The following C9 variants were observed in gnomAD, a reference collection of about 807,000 sequenced individuals.
C9 encodes the protein complement component C9.
Under a neutral mutation model 65.4 loss-of-function variants are expected in C9, and 63 were observed. The observed-to-expected ratio is 0.96, with a 90% confidence interval of 0.79 to 1.19. C9 has a LOEUF of 1.19. Ranked by LOEUF, C9 falls within the 50% of genes most tolerant of loss-of-function variation. C9 has a pLI of 0.00. For synonymous variants in C9, 229 were observed against 227.9 expected (o/e 1.00, Z -0.04); for missense variants, 744 against 670.1 (o/e 1.11, Z -1.22).
At chr5:39,325,771 CAAAAAA>C (rs34079563) in intron 5 of C9, among the ~76,000 whole-genome samples, 1 of 92,476 alleles carries the variant, frequency 1.1e-5, no homozygotes, top group African/African-American at 4.0e-5. Flanking sequence ...GACTCCATCT[CAAAAAA>C]AAAAAAAAAA....
intron 1 of C9, among the ~76,000 whole-genome samples, chr5:39,345,233 G>A (rs1471766446): frequency 6.6e-6 from 1 of 152,120 alleles, no homozygotes; most frequent in Non-Finnish European, 1.5e-5. Context: ...CTGGCAAATT[G>A]GATAAAGAGT....
Position 39,362,185 on chromosome 5 carries a change from T to G in C9, c.77+2203A>C, listed in dbSNP as rs73078532. On this transcript the variant is annotated intron_variant, in intron 1 of 10. Transcript: ENST00000263408. ...TTGAAGTCCTAACCCCAGATAATTA[T>G]TTGGTCCTAAGTGTCAAATAAGACT... Among the ~76,000 whole-genome samples the G allele has an allele frequency of 2.2e-3, 332 of 152,266 alleles. 2 individuals are homozygous for G. Among genetic ancestry groups the G allele is most frequent in the African/African-American group, 7.6e-3 (314 of 41,530 alleles).
intron 1 of C9, among the ~76,000 whole-genome samples, chr5:39,355,589 C>T (rs1338567469): frequency 1.3e-5 from 2 of 152,124 alleles, no homozygotes; most frequent in Non-Finnish European, 2.9e-5. Flanking sequence ...CAATCTATCA[C>T]CATAGGAAGG....
At chr5:39,315,659 T>G in intron 6 of C9, 116 bp downstream of exon 6, 44 of 769,868 alleles carry the variant, frequency 5.7e-5, no homozygotes, top group Non-Finnish European at 7.8e-5. Flanking sequence ...GCTACATATT[T>G]GAGAATTTGA....
At chr5:39,306,834 T>G in intron 8 of C9, 42 bp from the exon 9 acceptor site, 3 of 1,415,064 alleles carry the variant, frequency 2.1e-6, no homozygotes, top group Non-Finnish European at 3.0e-6. Context: ...AGAAGAAGTT[T>G]AAAGAGAAGC....
chr5:39,322,335 A>G (rs1753678341), intron 5 of C9, among the ~76,000 whole-genome samples: 1 of 152,018 alleles, frequency 6.6e-6, no homozygotes, highest in South Asian at 2.1e-4. Flanking sequence ...AATGCAGCAT[A>G]AGCAGTTCTA....
intron 9 of C9, among the ~76,000 whole-genome samples, chr5:39,299,303 T>C (rs1467544409): frequency 3.3e-5 from 5 of 152,084 alleles, no homozygotes; most frequent in African/African-American, 1.2e-4. Flanking sequence ...ACACATATCA[T>C]ATGACCAAGC....
At chr5:39,353,952 G>A (rs1192637177) in intron 1 of C9, among the ~76,000 whole-genome samples, 1 of 152,054 alleles carries the variant, frequency 6.6e-6, no homozygotes, top group Non-Finnish European at 1.5e-5. Flanking sequence ...ATCTCTCTAG[G>A]GTGTGATCTC....
intron 9 of C9, among the ~76,000 whole-genome samples, chr5:39,291,268 AG>A (rs200063455): frequency 0.011 from 1,665 of 150,652 alleles, 34 homozygotes; most frequent in African/African-American, 0.038. Flanking sequence ...TTTGAAAAAA[AG>A]AAACAAATAT....
chr5:39,341,354 A>G (rs1754078007), intron 3 of C9, 61 bp from the exon 4 acceptor site: 1 of 1,589,144 alleles, frequency 6.3e-7, no homozygotes, highest in Non-Finnish European at 8.6e-7. Flanking sequence ...TTTCTTTCTG[A>G]AGTTATCAAA....
chr5:39,305,421 A>T (rs1015532066), intron 9 of C9, among the ~76,000 whole-genome samples: 1 of 152,194 alleles, frequency 6.6e-6, no homozygotes, highest in African/African-American at 2.4e-5. Context: ...AGAATAAAGG[A>T]ATAAAATTCT....
chr5:39,356,428 T>C (rs1754414079), intron 1 of C9, among the ~76,000 whole-genome samples: 1 of 152,214 alleles, frequency 6.6e-6, no homozygotes, highest in Non-Finnish European at 1.5e-5. Context: ...TTAGACATCT[T>C]GAGATACAGC....
At chr5:39,364,168 CT>C (rs1463192721) in intron 1 of C9, among the ~76,000 whole-genome samples, 1 of 152,084 alleles carries the variant, frequency 6.6e-6, no homozygotes, top group Non-Finnish European at 1.5e-5. Context: ...ATTTGAGTGC[CT>C]TGTTGAAAAT....
chr5:39,360,002 A>G (rs2111991167), intron 1 of C9, among the ~76,000 whole-genome samples: 1 of 152,372 alleles, frequency 6.6e-6, no homozygotes, highest in Admixed American at 6.5e-5. Flanking sequence ...GAATATAAAA[A>G]TGAAAAACTT....
chr5:39,333,822 C>T lies in C9; in HGVS notation c.477-2008G>A, dbSNP rs565886273. Among the ~76,000 whole-genome samples the T allele has an allele frequency of 5.3e-4, 80 of 152,208 alleles. 1 individual carries two copies. The highest frequency in any genetic ancestry group is 1.7e-3 in the African/African-American group (71 of 41,498). On this transcript the variant is annotated intron_variant, in intron 4 of 10. Transcript: ENST00000263408. ...GGAGACGGGGTTTCGCTGTGTTGGC[C>T]GGGCTGGTCTCCAGCTCCTAACCGC... is the stretch of plus-strand genomic sequence containing the variant.
chr5:39,286,626 C>T (rs1411969897), intron 10 of C9, among the ~76,000 whole-genome samples: 1 of 151,752 alleles, frequency 6.6e-6, no homozygotes, highest in African/African-American at 2.4e-5. Flanking sequence ...CTAAAGAAAT[C>T]ACAGAGAAAT....
At chr5:39,348,198 C>T (rs1754246236) in intron 1 of C9, among the ~76,000 whole-genome samples, 1 of 152,046 alleles carries the variant, frequency 6.6e-6, no homozygotes, top group Non-Finnish European at 1.5e-5. Context: ...AGAGCATCTG[C>T]ACAGCAAAAG....
intron 4 of C9, among the ~76,000 whole-genome samples, chr5:39,333,079 A>G (rs1265144912): frequency 2.0e-5 from 3 of 152,224 alleles, no homozygotes; most frequent in Non-Finnish European, 4.4e-5. Flanking sequence ...ATGGCCTTAA[A>G]GTTCTAATAT....
intron 4 of C9, among the ~76,000 whole-genome samples, chr5:39,333,832 T>G (rs1240859705): frequency 6.6e-6 from 1 of 152,120 alleles, no homozygotes; most frequent in Admixed American, 6.5e-5. Context: ...CGGGCTGGTC[T>G]CCAGCTCCTA....
Sources: allele counts gnomAD v4.1 joint callset (sites outside exome capture counted in the v4.1 genomes callset), GRCh38; gene constraint gnomAD v4.1.1; transcripts MANE v1.5; gene names NCBI Gene and HGNC (gene_info 2026-07-23, HGNC 2026-07-21).